FARP2: variants seen among roughly 807,000 people sequenced by gnomAD.
FARP2 encodes the protein FERM, ARHGEF and pleckstrin domain-containing protein 2.
A neutral mutation model predicts 130.5 loss-of-function variants in FARP2; 111 were observed. The observed-to-expected ratio is 0.85, with a 90% CI of 0.73 to 1.00. The LOEUF (loss-of-function observed/expected upper bound fraction) is 1.00. Among genes scored for constraint, FARP2 ranks in the 50% least tolerant of loss-of-function variants. The pLI, the probability that FARP2 is intolerant of heterozygous loss-of-function variation, is 0.00. For missense variants in FARP2, 1,385 were observed against 1,346.3 expected, an observed-to-expected ratio of 1.03 and a Z score of -0.45; for synonymous variants, 504 against 516.9, an observed-to-expected ratio of 0.98 and a Z score of 0.34.
chr2:241,356,808 C>A (rs1436719005), intron 1 of FARP2, among the ~76,000 whole-genome samples: 1 of 152,254 alleles, frequency 6.6e-6, no homozygotes, highest in Non-Finnish European at 1.5e-5. Flanking sequence ...CAGAGTGGGC[C>A]ATAGGGACCC....
At position 241,411,139 on chromosome 2, in the gene FARP2, C is replaced by G. The variant is rs772270711; in HGVS notation, c.508+9C>G. On this transcript the variant is annotated intron_variant, in intron 6 of 26. Transcript: ENST00000264042. ...GTCCCATCTCCTGCAGTGTGAGTATCTCCCCGCCAGCGGGGAGCATTCACT... is the reference window on the plus strand; with the variant it reads ...GTCCCATCTCCTGCAGTGTGAGTATGTCCCCGCCAGCGGGGAGCATTCACT... The G allele has an allele frequency of 1.3e-6, 2 of 1,591,888 alleles. No homozygotes were observed. Among genetic ancestry groups the G allele is most frequent in the South Asian group, 1.1e-5 (1 of 89,514 alleles).
In FARP2 at chr2:241,472,103, G is replaced by A. The variant is rs1235852393; in HGVS notation, c.2131+3726G>A. 1.2e-4 allele frequency among the ~76,000 whole-genome samples: 7 copies of A among 60,698 alleles called. No homozygotes were observed. In the Admixed American group the frequency reaches 1.9e-3, roughly 16 times the overall value. 39.8% of individuals were successfully genotyped at this position (60,698 alleles called of 152,430 possible). On this transcript the variant is annotated intron_variant, in intron 18 of 26. Transcript: ENST00000264042. ...CTGTTCTGGGGGGGTTCTGTTCTGTGGAGACCCTATTCTGAGGGTAGTGCT... is the reference window on the plus strand; with the variant it reads ...CTGTTCTGGGGGGGTTCTGTTCTGTAGAGACCCTATTCTGAGGGTAGTGCT...
At chr2:241,373,437 T>C (rs981775147) in intron 2 of FARP2, 147 bp downstream of exon 2, 1 of 463,008 alleles carries the variant, frequency 2.2e-6, no homozygotes, top group African/African-American at 2.0e-5. Context: ...TTAGAAACAG[T>C]AAATCTGAAT....
chr2:241,411,103 GC>G lies in FARP2; in HGVS notation c.484del (p.Leu162PhefsTer11). ...ERLTCADTTA[A>X]LLTSHLLQSE... The stretch of plus-strand genomic sequence containing the variant: ...TTTGACCTGTGCTGACACCACAGCG[GC>G]CCTTCTCACGTCCCATCTCCTGCAG... On this transcript the variant is annotated frameshift_variant, in exon 6 of 27. Transcript: ENST00000264042. LOFTEE classifies it high-confidence loss of function. 1 of 1,611,586 alleles carries G rather than the reference GC, an allele frequency of 6.2e-7. No homozygotes were observed.
At chr2:241,417,864 C>G in intron 7 of FARP2, 98 bp from the exon 8 acceptor site, 6 of 1,330,934 alleles carry the variant, frequency 4.5e-6, no homozygotes, top group Non-Finnish European at 6.4e-6. Flanking sequence ...ACACACAAAG[C>G]CTTCATTGTT....
At chr2:241,392,632 C>T (rs1251189032) in intron 2 of FARP2, among the ~76,000 whole-genome samples, 2 of 152,090 alleles carry the variant, frequency 1.3e-5, no homozygotes, top group Non-Finnish European at 2.9e-5. Context: ...TGATACAGAA[C>T]CCTTCCCTTA....
At chr2:241,442,413 C>CAT (rs1384181768) in intron 13 of FARP2, 2 of 456,572 alleles carry the variant, frequency 4.4e-6, no homozygotes, top group Non-Finnish European at 8.8e-6. Flanking sequence ...CCCCCCTAGA[C>CAT]ATAAGCCTTT....
At chr2:241,462,035 G>A (rs2064034509) in intron 14 of FARP2, among the ~76,000 whole-genome samples, 1 of 152,200 alleles carries the variant, frequency 6.6e-6, no homozygotes, top group Admixed American at 6.5e-5. Flanking sequence ...GCTCAGGGCT[G>A]GGCTGTCTCT....
Position 241,431,709 on chromosome 2 carries a change from T to A in FARP2, c.802T>A (p.Ser268Thr), listed in dbSNP as rs1450470746. Residue 268 changes from serine (S) to threonine (T), a missense_variant, in exon 9 of 27, where the codon TCC (serine) becomes ACC (threonine). Transcript: ENST00000264042. The part of the protein sequence containing the change: ...GTTKINTFNW[S>T]KVRKLSFKRK... ...CACCAAAATCAACACTTTCAACTGG[T>A]CCAAGGTCCGTAAACTAAGCTTCAA... 6.2e-7 allele frequency: 1 copy of A among 1,603,474 alleles called. No individual in the cohort carries two copies. Among genetic ancestry groups the A allele is most frequent in the East Asian group, 2.2e-5 (1 of 44,550 alleles).
chr2:241,442,013 G>T (rs1048943765), intron 13 of FARP2: 1 of 359,398 alleles, frequency 2.8e-6, no homozygotes, highest in Non-Finnish European at 5.5e-6. Flanking sequence ...ACAGAAGACG[G>T]TTTTGCATTT....
chr2:241,368,621 G>T (rs906920873), intron 1 of FARP2, among the ~76,000 whole-genome samples: 1 of 152,046 alleles, frequency 6.6e-6, no homozygotes, highest in Non-Finnish European at 1.5e-5. Flanking sequence ...GTTACCTGCC[G>T]GTATTCTATT....
At position 241,417,852 on chromosome 2, in the gene FARP2, A is replaced by G. The variant is rs2062715036; in HGVS notation, c.624-110A>G. 1.1e-5 allele frequency: 14 copies of G among 1,241,112 alleles called. No individual in the cohort carries two copies. In the South Asian group the frequency reaches 2.0e-4, roughly 17 times the overall value. 76.9% of individuals were successfully genotyped at this position (1,241,112 alleles called of 1,614,324 possible). A position where few individuals can be genotyped will look rare whatever the true frequency, so the allele number is the denominator to read the frequency against. ...ACAGACAGTGAACCATCTGCCCTCT[A>G]AACACACAAAGCCTTCATTGTTGGT... On this transcript the variant is annotated intron_variant, in intron 7 of 26. Coordinates refer to ENST00000264042, the MANE Select transcript of FARP2 (RefSeq NM_014808.4).
chr2:241,411,665 C>T (rs964243514), intron 6 of FARP2, among the ~76,000 whole-genome samples: 19 of 152,268 alleles, frequency 1.2e-4, no homozygotes, highest in Non-Finnish European at 2.1e-4. Flanking sequence ...TGCCGAGCCC[C>T]CAGCGATGGG....
At chr2:241,465,699 C>T (rs975831961) in intron 17 of FARP2, 25 of 1,550,824 alleles carry the variant, frequency 1.6e-5, no homozygotes, top group Non-Finnish European at 1.5e-5. Context: ...ACCACGTGAC[C>T]GCCCAAGGTG....
At chr2:241,436,404 TACATGC>T in intron 11 of FARP2, 71 bp from the exon 12 acceptor site, 1 of 1,273,610 alleles carries the variant, frequency 7.9e-7, no homozygotes, top group Non-Finnish European at 1.1e-6. Context: ...ATGGATACAG[TACATGC>T]TTGCTGCTTT....
At chr2:241,392,288 C>T (rs1272333007) in intron 2 of FARP2, among the ~76,000 whole-genome samples, 2 of 152,204 alleles carry the variant, frequency 1.3e-5, no homozygotes, top group South Asian at 2.1e-4. Flanking sequence ...CCCCAGAGCC[C>T]TCTACTGGCA....
intron 13 of FARP2, among the ~76,000 whole-genome samples, chr2:241,452,203 A>G (rs573657256): frequency 2.6e-5 from 4 of 152,308 alleles, no homozygotes; most frequent in African/African-American, 9.6e-5. Context: ...GTCGTATGTC[A>G]CTGTGGAAAG....
rs183276193 is a variant in FARP2 at position 241,462,467 on chromosome 2, C to T, written c.1588-56C>T. ...CATTACCAACTTCAGGCTCCCTGAGCGTGGGAGGGTCCCATGTCCCAGGGA... is the reference window on the plus strand; with the variant it reads ...CATTACCAACTTCAGGCTCCCTGAGTGTGGGAGGGTCCCATGTCCCAGGGA... On this transcript the variant is annotated intron_variant, in intron 14 of 26. Coordinates refer to ENST00000264042, the MANE Select transcript of FARP2 (RefSeq NM_014808.4). 4,111 of 1,250,394 alleles carry T rather than the reference C, an allele frequency of 3.3e-3. 15 individuals are homozygous for T. The highest frequency in any genetic ancestry group is 4.2e-3 in the Non-Finnish European group (3,602 of 850,386). The allele number at this position is 1,250,394 out of a possible 1,614,324, so 77.5% of individuals were successfully genotyped here. A position where few individuals can be genotyped will look rare whatever the true frequency, so the allele number is the denominator to read the frequency against.
intron 13 of FARP2, among the ~76,000 whole-genome samples, chr2:241,454,448 T>A (rs1202935524): frequency 6.6e-6 from 1 of 152,204 alleles, no homozygotes; most frequent in Non-Finnish European, 1.5e-5. Flanking sequence ...GCTTCTAGAC[T>A]TTTTCCGAAT....
Sources: allele counts gnomAD v4.1 joint callset (sites outside exome capture counted in the v4.1 genomes callset), GRCh38; gene constraint gnomAD v4.1.1; transcripts MANE v1.5; gene names NCBI Gene and HGNC (gene_info 2026-07-23, HGNC 2026-07-21).